SBF2: variants seen among roughly 807,000 people sequenced by gnomAD.
SBF2 encodes the protein SET binding factor 2.
A neutral mutation model predicts 225.2 loss-of-function variants in SBF2; 112 were observed. The ratio of observed to expected loss-of-function variants is 0.50; its 90% CI spans 0.43 to 0.58. SBF2 has a LOEUF of 0.58. SBF2 is among the 20% of genes least tolerant of loss of function. SBF2 has a pLI of 0.00. For synonymous variants in SBF2, 763 were observed against 773.3 expected, an observed-to-expected ratio of 0.99 and a Z score of 0.22; for missense variants, 1,996 against 2,206.2, an observed-to-expected ratio of 0.90 and a Z score of 1.91.
intron 1 of SBF2, among the ~76,000 whole-genome samples, chr11:10,200,646 C>T (rs1327722745): frequency 1.3e-5 from 2 of 151,776 alleles, no homozygotes; most frequent in Non-Finnish European, 2.9e-5. Flanking sequence ...TTTTTTGGAT[C>T]CTATGTCAGT....
At chr11:10,239,743 A>AGCTCTATT (rs1226479792) in intron 1 of SBF2, among the ~76,000 whole-genome samples, 4,179 of 144,758 alleles carry the variant, frequency 0.029, 151 homozygotes, top group Middle Eastern at 0.071. Flanking sequence ...GGTCAAGAGA[A>AGCTCTATT]AACGCAAAAT....
chr11:10,120,243 T>C (rs1953373914), intron 2 of SBF2, among the ~76,000 whole-genome samples: 2 of 152,244 alleles, frequency 1.3e-5, no homozygotes, highest in South Asian at 4.1e-4. Flanking sequence ...GGTTTATCCA[T>C]GTTATAGCAT....
At chr11:10,089,240 T>C (rs1403530889) in intron 2 of SBF2, among the ~76,000 whole-genome samples, 2 of 152,162 alleles carry the variant, frequency 1.3e-5, no homozygotes, top group Non-Finnish European at 2.9e-5. Flanking sequence ...GAGTCCACAC[T>C]GTATGTCCAT....
chr11:10,199,418 G>A (rs76190600), intron 1 of SBF2, among the ~76,000 whole-genome samples: 14,465 of 151,608 alleles, frequency 0.095, 941 homozygotes, highest in East Asian at 0.29. Context: ...ACCAAAATGC[G>A]ACACAGAGAC....
chr11:9,968,599 T>C, intron 13 of SBF2, 54 bp from the exon 14 acceptor site: 1 of 1,438,230 alleles, frequency 7.0e-7, no homozygotes, highest in East Asian at 2.3e-5. Flanking sequence ...CAATGGCAGA[T>C]CACCAGGAAG....
intron 17 of SBF2, among the ~76,000 whole-genome samples, chr11:9,886,609 TG>T (rs1257496843): frequency 2.6e-5 from 4 of 151,502 alleles, no homozygotes; most frequent in Non-Finnish European, 5.9e-5. Context: ...TCTTTTTTTT[TG>T]AGACGAAGTC....
intron 14 of SBF2, 131 bp from the exon 15 acceptor site, chr11:9,964,013 G>T: frequency 6.2e-6 from 4 of 641,480 alleles, no homozygotes; most frequent in South Asian, 5.4e-5. Flanking sequence ...CAATTTGGGA[G>T]GCTGAGGTGG....
At chr11:9,928,953 G>A in intron 16 of SBF2, 1 of 458,642 alleles carries the variant, frequency 2.2e-6, no homozygotes. Context: ...GTTCAAAACG[G>A]GTCATAAAGC....
intron 28 of SBF2, chr11:9,819,298 C>T (rs940911876): frequency 1.3e-5 from 2 of 152,084 alleles, no homozygotes; most frequent in African/African-American, 4.8e-5. Context: ...TCTCTGTACC[C>T]ATGCACTGGT....
rs1360970766 is a variant in SBF2, at chr11:9,993,959, G to C, written c.1015C>G (p.Pro339Ala). Residue 339 changes from proline to alanine, a missense_variant, in exon 10 of 40, where the codon CCT becomes GCT. By Grantham distance (27) the Pro-to-Ala change is conservative. Transcript: ENST00000256190. ...TGGGATAAAGCTGTTCGTGGAGGAG[G>C]AAAAGCATGATCTGCTACTTCCAAA... is the stretch of plus-strand genomic sequence containing the variant. Reference protein sequence around the residue: ...PDLEVADHAFPPPRTALSHSK... With the variant: ...PDLEVADHAFAPPRTALSHSK... 8.1e-6 allele frequency: 10 copies of C among 1,235,654 alleles called. No homozygotes were observed. The African/African-American group carries it at 1.3e-4, about 16-fold the overall frequency. 76.5% of individuals were successfully genotyped at this position (1,235,654 alleles called of 1,614,324 possible).
chr11:10,252,850 A>G (rs1435620833), intron 1 of SBF2, among the ~76,000 whole-genome samples: 1 of 151,754 alleles, frequency 6.6e-6, no homozygotes, highest in Non-Finnish European at 1.5e-5. Flanking sequence ...AAAAGAAAAT[A>G]AGGCAAACAC....
chr11:9,839,146 G>C, intron 26 of SBF2: 1 of 321,982 alleles, frequency 3.1e-6, no homozygotes, highest in Non-Finnish European at 6.0e-6. Context: ...GAAAGAGTTT[G>C]TGGCTCCCCA....
intron 16 of SBF2, among the ~76,000 whole-genome samples, chr11:9,935,471 G>C (rs1864826106): frequency 1.3e-5 from 2 of 151,996 alleles, no homozygotes; most frequent in African/African-American, 2.4e-5. Context: ...AGTTCATATG[G>C]AACCAAAAAA....
At chr11:10,081,887 C>A (rs1341030276) in intron 2 of SBF2, among the ~76,000 whole-genome samples, 1 of 150,896 alleles carries the variant, frequency 6.6e-6, no homozygotes, top group East Asian at 1.9e-4. Context: ...AAGATTCAAG[C>A]AAATAGAAAG....
intron 16 of SBF2, among the ~76,000 whole-genome samples, chr11:9,897,403 A>T (rs1178974964): frequency 3.3e-5 from 5 of 151,966 alleles, no homozygotes; most frequent in Non-Finnish European, 7.4e-5. Flanking sequence ...ACACTCGGCT[A>T]ATTTTTATAT....
chr11:9,820,817 C>A (rs1011717207), intron 28 of SBF2, among the ~76,000 whole-genome samples: 21 of 152,150 alleles, frequency 1.4e-4, no homozygotes, highest in Non-Finnish European at 2.9e-5. Flanking sequence ...TTCACTACGT[C>A]AAAAGGAAAA....
chr11:9,806,791 T>C (rs1046361272), intron 32 of SBF2, among the ~76,000 whole-genome samples: 1 of 152,164 alleles, frequency 6.6e-6, no homozygotes, highest in Non-Finnish European at 1.5e-5. Flanking sequence ...GAGTTTCTTT[T>C]TGGAGTGATA....
At chr11:10,273,517 T>C (rs1210953950) in intron 1 of SBF2, among the ~76,000 whole-genome samples, 1 of 152,246 alleles carries the variant, frequency 6.6e-6, no homozygotes, top group African/African-American at 2.4e-5. Flanking sequence ...ATAAAGCTTA[T>C]TTAGCTGTGC....
intron 28 of SBF2, among the ~76,000 whole-genome samples, chr11:9,821,003 G>T (rs942332624): frequency 6.6e-6 from 1 of 152,108 alleles, no homozygotes; most frequent in Non-Finnish European, 1.5e-5. Context: ...CTTGCAACAT[G>T]TGGATTACTA....
Sources: gnomAD v4.1 joint callset for allele counts (sites outside exome capture counted in the v4.1 genomes callset) on GRCh38, gnomAD v4.1.1 for gene constraint, MANE v1.5 for transcripts, NCBI Gene and HGNC (gene_info 2026-07-23, HGNC 2026-07-21) for gene names.